Variants in LINGO2 observed in about 807,000 individuals in gnomAD.
The protein encoded by LINGO2 is leucine-rich repeat and immunoglobulin-like domain-containing nogo receptor-interacting protein 2.
Under a neutral mutation model 30.6 loss-of-function variants are expected in LINGO2, and 14 were observed. The ratio of observed to expected loss-of-function variants is 0.46; its 90% CI spans 0.30 to 0.72. The LOEUF is 0.72. Ranked by LOEUF, LINGO2 falls within the 30% of genes least tolerant of loss-of-function variation. The probability of loss-of-function intolerance (pLI) is 0.07; values close to 1 mark genes in which losing one functional copy is unlikely to be tolerated. For missense variants in LINGO2, 729 were observed against 751.7 expected (o/e 0.97, Z 0.35); for synonymous variants, 317 against 288.5 (o/e 1.10, Z -1.00).
intron 2 of LINGO2, among the ~76,000 whole-genome samples, chr9:28,425,763 C>A (rs1823383997): frequency 6.6e-6 from 1 of 152,074 alleles, no homozygotes; most frequent in Non-Finnish European, 1.5e-5. Context: ...ACTCATTGCA[C>A]CAGCTGCCTA....
intron 4 of LINGO2, among the ~76,000 whole-genome samples, chr9:28,097,983 C>G (rs1826296881): frequency 6.6e-6 from 1 of 152,126 alleles, no homozygotes; most frequent in Admixed American, 6.6e-5. Flanking sequence ...TTCATTCATT[C>G]TATTTTAATA....
chr9:28,340,253 T>G (rs1825724068), intron 3 of LINGO2, among the ~76,000 whole-genome samples: 1 of 152,178 alleles, frequency 6.6e-6, no homozygotes, highest in Non-Finnish European at 1.5e-5. Flanking sequence ...AAAGTTAGTA[T>G]GAAGATTATA....
At chr9:28,222,128 A>T (rs1172430119) in intron 4 of LINGO2, among the ~76,000 whole-genome samples, 1 of 152,206 alleles carries the variant, frequency 6.6e-6, no homozygotes, top group African/African-American at 2.4e-5. Flanking sequence ...AAAAATATAC[A>T]CCTGAACATT....
chr9:29,180,276 G>GA, the LINGO2 span, among the ~76,000 whole-genome samples: 1 of 152,118 alleles, frequency 6.6e-6, no homozygotes, highest in Non-Finnish European at 1.5e-5. Flanking sequence ...GTGGCTCTGT[G>GA]AAACAAGATT....
the LINGO2 span, among the ~76,000 whole-genome samples, chr9:28,872,750 C>T: frequency 6.6e-6 from 1 of 152,098 alleles, no homozygotes; most frequent in South Asian, 2.1e-4. Flanking sequence ...CACTATGTAG[C>T]TTAAAGTTCT....
chr9:28,073,133 A>G (rs911818569), intron 4 of LINGO2, among the ~76,000 whole-genome samples: 2 of 151,900 alleles, frequency 1.3e-5, no homozygotes, highest in South Asian at 2.1e-4. Flanking sequence ...CCCATCTCCA[A>G]TACTATTCCT....
the LINGO2 span, among the ~76,000 whole-genome samples, chr9:28,829,444 C>G: frequency 6.6e-6 from 1 of 152,206 alleles, no homozygotes; most frequent in Non-Finnish European, 1.5e-5. Context: ...AAGACCTAAG[C>G]CATTCACAGA....
At chr9:29,213,019 C>T in the LINGO2 span, among the ~76,000 whole-genome samples, 42 of 152,326 alleles carry the variant, frequency 2.8e-4, 1 homozygote, top group South Asian at 8.1e-3. Context: ...TCCCCCTCCT[C>T]AGCTCTGAAG....
At chr9:29,034,082 C>CAA in the LINGO2 span, among the ~76,000 whole-genome samples, 7,047 of 141,230 alleles carry the variant, frequency 0.05, 225 homozygotes, top group East Asian at 0.11. Context: ...GATTCCACCT[C>CAA]AAAAAAAAAA....
At chr9:27,951,717 C>T (rs1435293164) in intron 5 of LINGO2, among the ~76,000 whole-genome samples, 3 of 151,960 alleles carry the variant, frequency 2.0e-5, no homozygotes, top group Admixed American at 1.3e-4. Context: ...ACACTTTATC[C>T]ACGAACACCA....
At chr9:28,056,373 CAGT>C (rs1824942660) in intron 4 of LINGO2, among the ~76,000 whole-genome samples, 2 of 152,118 alleles carry the variant, frequency 1.3e-5, no homozygotes, top group Admixed American at 1.3e-4. Flanking sequence ...GTGGTATATT[CAGT>C]AGATCACGAC....
intron 1 of LINGO2, among the ~76,000 whole-genome samples, chr9:28,592,760 G>A (rs1038758971): frequency 6.6e-6 from 1 of 151,962 alleles, no homozygotes; most frequent in African/African-American, 2.4e-5. Context: ...CATGCACATG[G>A]TAAAAAGACT....
chr9:28,889,121 C>T, the LINGO2 span, among the ~76,000 whole-genome samples: 3 of 152,138 alleles, frequency 2.0e-5, no homozygotes, highest in African/African-American at 7.2e-5. Flanking sequence ...TGGTCACCTT[C>T]ATTTATGTAT....
At chr9:28,793,705 A>T in the LINGO2 span, among the ~76,000 whole-genome samples, 3 of 152,170 alleles carry the variant, frequency 2.0e-5, no homozygotes, top group Admixed American at 2.0e-4. Context: ...CTTACAAATC[A>T]TCTGAATAAA....
the LINGO2 span, chr9:28,863,622 C>T: frequency 2.0e-6 from 1 of 495,572 alleles, no homozygotes; most frequent in Admixed American, 2.1e-5. Flanking sequence ...TGCAGAAGCA[C>T]CTGTGAAGCA....
chr9:28,226,641 AGGAAAGAAAGAAAG>A (rs1821164446), intron 4 of LINGO2, among the ~76,000 whole-genome samples: 1 of 52,358 alleles, frequency 1.9e-5, no homozygotes, highest in South Asian at 9.2e-4. Context: ...GAAGGAAAGA[AGGAAAGAAAGAAAG>A]AAAGAAAGAA....
the LINGO2 span, among the ~76,000 whole-genome samples, chr9:29,054,204 A>G: frequency 6.6e-6 from 1 of 152,178 alleles, no homozygotes; most frequent in Non-Finnish European, 1.5e-5. Flanking sequence ...GCCCAATTGT[A>G]CAACAAAACT....
At chr9:29,170,863 T>C in the LINGO2 span, among the ~76,000 whole-genome samples, 2 of 152,200 alleles carry the variant, frequency 1.3e-5, no homozygotes, top group Non-Finnish European at 2.9e-5. Flanking sequence ...CTTTTTTCTT[T>C]AGTGAATTAA....
At chr9:28,402,190 C>T (rs1017057731) in intron 2 of LINGO2, among the ~76,000 whole-genome samples, 8 of 146,132 alleles carry the variant, frequency 5.5e-5, no homozygotes, top group Middle Eastern at 7.0e-3. Context: ...TTTATGAGTA[C>T]TTATAGCCAC....
Sources: allele counts gnomAD v4.1 joint callset (sites outside exome capture counted in the v4.1 genomes callset), GRCh38; gene constraint gnomAD v4.1.1; transcripts MANE v1.5; gene names NCBI Gene and HGNC (gene_info 2026-07-23, HGNC 2026-07-21).